Variants in GAPVD1 observed in about 807,000 individuals in gnomAD.
GAPVD1 encodes GTPase-activating protein and VPS9 domain-containing protein 1.
A neutral mutation model predicts 155.5 loss-of-function variants in GAPVD1; 35 were observed. The ratio of observed to expected loss-of-function variants is 0.23; its 90% CI spans 0.17 to 0.30. GAPVD1 has a LOEUF of 0.30. Ranked by LOEUF, GAPVD1 falls within the 10% of genes least tolerant of loss-of-function variation. GAPVD1 has a pLI of 1.00. For missense variants in GAPVD1, 1,429 were observed against 1,775.7 expected (o/e 0.80, Z 3.51); for synonymous variants, 636 against 619.7 (o/e 1.03, Z -0.39).
At chr9:125,284,180 CTTTTTT>C (rs34335675) in intron 2 of GAPVD1, among the ~76,000 whole-genome samples, 1 of 92,620 alleles carries the variant, frequency 1.1e-5, no homozygotes, top group Non-Finnish European at 2.0e-5. Flanking sequence ...CCCGCCAGAA[CTTTTTT>C]TTTTTTTTTT....
At chr9:125,312,428 A>G in intron 8 of GAPVD1, 24 bp from the exon 9 acceptor site, 2 of 1,479,226 alleles carry the variant, frequency 1.4e-6, no homozygotes, top group Non-Finnish European at 1.8e-6. Context: ...TCTCTAAATT[A>G]TTTTATTTGA....
chr9:125,302,044 G>C lies in GAPVD1; in HGVS notation c.247G>C (p.Val83Leu), dbSNP rs567546257. Residue 83 changes from valine (V) to leucine (L), a missense_variant, in exon 5 of 28, where the codon GTT becomes CTT. Around this residue, in one of 4 missense-constraint regions of GAPVD1, gnomAD observed 628 missense variants for 733.4 expected, o/e 0.86. Coordinates refer to ENST00000297933, the MANE Select transcript of GAPVD1 (RefSeq NM_001282680.3). ...HAKILEDTQF[V>L]DGYKQLGFQE... The stretch of plus-strand genomic sequence containing the variant: ...CAAAATTTTGGAAGATACACAATTT[G>C]TTGATGGGTATAAGCAATTGGGATT... 5.6e-6 allele frequency: 9 copies of C among 1,599,314 alleles called. No individual in the cohort carries two copies. The African/African-American group carries it at 1.1e-4, about 19-fold the overall frequency.
intron 23 of GAPVD1, 48 bp downstream of exon 23, chr9:125,350,920 A>G (rs1048686990): frequency 1.4e-6 from 2 of 1,422,740 alleles, no homozygotes; most frequent in Non-Finnish European, 9.7e-7. Flanking sequence ...GTTAGCTGCA[A>G]GTGTTTTCTT....
At chr9:125,273,935 A>T (rs531732763) in intron 2 of GAPVD1, among the ~76,000 whole-genome samples, 118 of 151,112 alleles carry the variant, frequency 7.8e-4, no homozygotes, top group Middle Eastern at 3.4e-3. Context: ...TCTTTTTTTT[A>T]AAAAAAAATT....
chr9:125,355,653 A>C lies in GAPVD1; in HGVS notation c.3767A>C (p.Lys1256Thr). 6.2e-7 allele frequency: 1 copy of C among 1,604,786 alleles called. No homozygotes were observed. The highest frequency in any genetic ancestry group is 8.5e-7 in the Non-Finnish European group (1 of 1,172,580). Residue 1256 changes from lysine to threonine, a missense_variant, in exon 25 of 28, where the codon AAA becomes ACA. By Grantham distance (78) the Lys-to-Thr change is moderately conservative. Around this residue, in one of 4 missense-constraint regions of GAPVD1, gnomAD observed 699 missense variants for 826.0 expected, o/e 0.85. Coordinates refer to ENST00000297933, the MANE Select transcript of GAPVD1 (RefSeq NM_001282680.3). Reference sequence around the variant, plus strand: ...TTATTTTGCTTTGGAGACTTTCAGAAACTCACCGCAGCTGACGATAAAACT... The same window carrying C: ...TTATTTTGCTTTGGAGACTTTCAGACACTCACCGCAGCTGACGATAAAACT... ...KIREFIQDFQ[K>T]LTAADDKTAQ...
At chr9:125,298,175 G>A (rs1168399748) in intron 3 of GAPVD1, among the ~76,000 whole-genome samples, 1 of 152,170 alleles carries the variant, frequency 6.6e-6, no homozygotes, top group East Asian at 1.9e-4. Context: ...GATTAGCAAT[G>A]GAGGGGGGAA....
chr9:125,343,136 G>A (rs932602462), intron 19 of GAPVD1, among the ~76,000 whole-genome samples: 1 of 151,776 alleles, frequency 6.6e-6, no homozygotes, highest in Non-Finnish European at 1.5e-5. Context: ...GGACAGCTTC[G>A]AATGCAGCCC....
chr9:125,327,194 CT>C (rs999396299), intron 12 of GAPVD1, among the ~76,000 whole-genome samples: 65 of 150,256 alleles, frequency 4.3e-4, no homozygotes, highest in African/African-American at 1.4e-3. Context: ...CTCCTGCCTT[CT>C]TTTTTTTTAA....
intron 9 of GAPVD1, among the ~76,000 whole-genome samples, chr9:125,317,254 G>GT (rs918604256): frequency 1.6e-4 from 25 of 151,596 alleles, no homozygotes; most frequent in Middle Eastern, 3.4e-3. Flanking sequence ...GGAGGCGGAG[G>GT]TTGCAGTGAG....
At chr9:125,334,697 C>T (rs1589012287) in intron 15 of GAPVD1, among the ~76,000 whole-genome samples, 1 of 151,468 alleles carries the variant, frequency 6.6e-6, no homozygotes, top group Non-Finnish European at 1.5e-5. Context: ...CCCAGGAGTT[C>T]GACATCATCC....
rs531406626 is a variant in GAPVD1 at position 125,274,523 on chromosome 9, G to A, written c.-150+5539G>A. Among the ~76,000 whole-genome samples the A allele has an allele frequency of 3.0e-4, 45 of 149,730 alleles. No individual in the cohort carries two copies. In the South Asian group the frequency reaches 9.3e-3, roughly 31 times the overall value. On this transcript the variant is annotated intron_variant, in intron 2 of 27. Coordinates refer to ENST00000297933, the MANE Select transcript of GAPVD1 (RefSeq NM_001282680.3). Reference sequence around the variant, plus strand: ...TTGTTGCCCAGGCTGGAGTGCAATGGTGCAATCTCGGCTCACTGCAACCTC... The same window carrying A: ...TTGTTGCCCAGGCTGGAGTGCAATGATGCAATCTCGGCTCACTGCAACCTC...
At chr9:125,349,260 C>T in intron 20 of GAPVD1, 130 bp from the exon 21 acceptor site, 3 of 743,314 alleles carry the variant, frequency 4.0e-6, no homozygotes, top group Non-Finnish European at 4.3e-6. Context: ...TTTTTTCTTT[C>T]TTTTTTTTCC....
rs758559469 is a variant in GAPVD1 at position 125,354,665 on chromosome 9, C to T, written c.3581C>T (p.Pro1194Leu). Residue 1194 changes from proline (P) to leucine (L), a missense_variant, in exon 24 of 28, where the codon CCA becomes CTA. By Grantham distance (98) the Pro-to-Leu change is moderately conservative. Transcript: ENST00000297933. The stretch of plus-strand genomic sequence containing the variant: ...ATTTTTCCTTTTAGAAAAAGAGCCC[C>T]ATATATTGCTTATCTCACTCGTTGT... ...SIAEDYRKRAPYIAYLTRCRQ... is the reference protein window; with the variant it reads ...SIAEDYRKRALYIAYLTRCRQ... The T allele has an allele frequency of 4.3e-6, 7 of 1,609,682 alleles. No homozygotes were observed. Among genetic ancestry groups the T allele is most frequent in the Admixed American group, 1.7e-5 (1 of 59,860 alleles).
intron 13 of GAPVD1, 60 bp downstream of exon 13, chr9:125,330,278 G>T: frequency 8.9e-7 from 1 of 1,124,078 alleles, no homozygotes; most frequent in Non-Finnish European, 1.3e-6. Context: ...TAAATGCAAG[G>T]TATCCCAACT....
chr9:125,334,901 A>C (rs1279485586), intron 15 of GAPVD1, among the ~76,000 whole-genome samples: 1 of 151,958 alleles, frequency 6.6e-6, no homozygotes, highest in Non-Finnish European at 1.5e-5. Flanking sequence ...CAAAAATTAG[A>C]ATTTTGGAAA....
At chr9:125,297,899 C>T (rs1376922410) in intron 3 of GAPVD1, among the ~76,000 whole-genome samples, 5 of 152,124 alleles carry the variant, frequency 3.3e-5, no homozygotes, top group Non-Finnish European at 7.4e-5. Flanking sequence ...GTGTACACCA[C>T]CACACCCAAC....
intron 1 of GAPVD1, among the ~76,000 whole-genome samples, chr9:125,265,116 A>G (rs757615930): frequency 1.1e-4 from 16 of 152,228 alleles, no homozygotes; most frequent in South Asian, 6.2e-4. Flanking sequence ...TTCTTAGTAC[A>G]TGCTGCCATA....
At position 125,307,535 on chromosome 9, in the gene GAPVD1, G is replaced by A. The variant is rs765251092; in HGVS notation, c.1239G>A (p.Gln413=). 1.2e-6 allele frequency: 2 copies of A among 1,609,848 alleles called. No homozygotes were observed. The highest frequency in any genetic ancestry group is 1.7e-6 in the Non-Finnish European group (2 of 1,178,200). ...CTGTGGTTTATATAACCTACAGTCA[G>A]CTTATTACTCTGGTAATGGCTTCAT... ...SRTVVYITYS[Q]LITLVNFMKS... The change falls in exon 7 of 28, where the codon CAG becomes CAA. Residue 413 remains glutamine, a synonymous_variant. Coordinates refer to ENST00000297933, the MANE Select transcript of GAPVD1 (RefSeq NM_001282680.3).
At chr9:125,303,105 A>G (rs542189851) in intron 5 of GAPVD1, among the ~76,000 whole-genome samples, 13 of 151,982 alleles carry the variant, frequency 8.6e-5, no homozygotes, top group Admixed American at 1.3e-4. Context: ...GCTCACTGCA[A>G]CCTCCGCCTC....
Sources: gnomAD v4.1 joint callset for allele counts (sites outside exome capture counted in the v4.1 genomes callset) on GRCh38, gnomAD v4.1.1 for gene constraint, gnomAD v4.1.1 regional missense constraint, MANE v1.5 for transcripts, NCBI Gene and HGNC (gene_info 2026-07-23, HGNC 2026-07-21) for gene names.